Variants in RTKN2 observed in about 807,000 individuals in gnomAD.
The protein encoded by RTKN2 is rhotekin-2.
In RTKN2, 69 loss-of-function variants were observed where a neutral mutation model predicts 71.5. That is an observed-to-expected ratio of 0.96 (90% CI 0.79 to 1.18). The LOEUF (loss-of-function observed/expected upper bound fraction) is 1.18. RTKN2 is among the 50% of genes most tolerant of loss of function. The pLI is 0.00. For missense variants in RTKN2, 724 were observed against 719.7 expected, an observed-to-expected ratio of 1.01 and a Z score of -0.07; for synonymous variants, 236 against 236.5, an observed-to-expected ratio of 1.00 and a Z score of 0.02.
At chr10:62,264,460 A>T (rs1424524619) in intron 1 of RTKN2, among the ~76,000 whole-genome samples, 1 of 152,206 alleles carries the variant, frequency 6.6e-6, no homozygotes, top group Non-Finnish European at 1.5e-5. Flanking sequence ...TCTTTTTATG[A>T]CTTACTAGCC....
At chr10:62,192,047 GTTT>G (rs148963022), downstream of RTKN2, among the ~76,000 whole-genome samples, 1 of 150,218 alleles carries the variant, frequency 6.7e-6, no homozygotes, top group South Asian at 2.1e-4. Flanking sequence ...ATATTATAAG[GTTT>G]TTTTTTATCT....
At chr10:62,192,993 T>C (rs746772229), downstream of RTKN2, among the ~76,000 whole-genome samples, 1 of 152,180 alleles carries the variant, frequency 6.6e-6, no homozygotes, top group Non-Finnish European at 1.5e-5. Flanking sequence ...TTTATATACA[T>C]AAAACACACA....
At chr10:62,215,208 A>C in intron 9 of RTKN2, 1 of 562,194 alleles carries the variant, frequency 1.8e-6, no homozygotes. Context: ...TATTTAGTAA[A>C]AGCCAAAGTA....
downstream of RTKN2, among the ~76,000 whole-genome samples, chr10:62,190,606 T>C (rs1589324625): frequency 1.3e-5 from 2 of 152,110 alleles, no homozygotes; most frequent in Admixed American, 6.6e-5. Context: ...CCATCCCAGT[T>C]GTTAACTAGC....
intron 9 of RTKN2, among the ~76,000 whole-genome samples, chr10:62,212,573 C>T (rs760924682): frequency 6.6e-6 from 1 of 151,272 alleles, no homozygotes; most frequent in Admixed American, 6.6e-5. Context: ...TGTGGTGGCA[C>T]GTACCTGTAG....
intron 3 of RTKN2, among the ~76,000 whole-genome samples, chr10:62,244,904 GT>G (rs1842448908): frequency 6.6e-6 from 1 of 152,012 alleles, no homozygotes; most frequent in Admixed American, 6.6e-5. Context: ...TGATAATTTT[GT>G]TTATCCAGAA....
chr10:62,265,765 C>T (rs1842858163), intron 1 of RTKN2, among the ~76,000 whole-genome samples: 1 of 152,196 alleles, frequency 6.6e-6, no homozygotes, highest in Non-Finnish European at 1.5e-5. Flanking sequence ...GTATACAATG[C>T]ATCAGGGGTA....
intron 6 of RTKN2, among the ~76,000 whole-genome samples, chr10:62,227,490 T>C (rs796250974): frequency 1.1e-4 from 16 of 151,454 alleles, no homozygotes; most frequent in African/African-American, 3.6e-4. Context: ...AACAAGGAGG[T>C]CACTGTGACT....
Position 62,195,164 on chromosome 10 carries a change from C to T in RTKN2, c.*2744G>A. 1 of 973,062 alleles carries T rather than the reference C, an allele frequency of 1.0e-6. No homozygotes were observed. Among genetic ancestry groups the T allele is most frequent in the Non-Finnish European group, 1.2e-6 (1 of 818,726 alleles). 60.3% of individuals were successfully genotyped at this position (973,062 alleles called of 1,614,324 possible). A position where few individuals can be genotyped will look rare whatever the true frequency, so the allele number is the denominator to read the frequency against. On this transcript the variant is annotated 3_prime_UTR_variant, in exon 12 of 12. Transcript: ENST00000373789. Reference sequence around the variant, plus strand: ...GAAATGTAAAGGTAATTGTCTAAGACATTATCTTTAGATCATCAGAATTAT... The same window carrying T: ...GAAATGTAAAGGTAATTGTCTAAGATATTATCTTTAGATCATCAGAATTAT...
At position 62,193,522 on chromosome 10, in the gene RTKN2, A is replaced by T. The variant is rs1221071651; in HGVS notation, c.*4386T>A. On this transcript the variant is annotated 3_prime_UTR_variant, in exon 12 of 12. Coordinates refer to ENST00000373789, the MANE Select transcript of RTKN2 (RefSeq NM_145307.4). ...CATTGATTAGTAGGCCTCTCTCTGT[A>T]AAGTATTTTTTTAATTTTAAATATT... The T allele has an allele frequency of 2.0e-6, 2 of 982,092 alleles. No individual in the cohort carries two copies. The highest frequency in any genetic ancestry group is 2.4e-6 in the Non-Finnish European group (2 of 826,934). The allele number at this position is 982,092 out of a possible 1,614,324, so 60.8% of individuals were successfully genotyped here.
chr10:62,249,317 G>A (rs10761616), intron 2 of RTKN2, among the ~76,000 whole-genome samples: 77,116 of 148,756 alleles, frequency 0.52, 21,714 homozygotes, highest in East Asian at 0.89. Context: ...TTTTTACAAA[G>A]CCAAATAAAG....
At chr10:62,225,839 T>A (rs1842010211) in intron 6 of RTKN2, among the ~76,000 whole-genome samples, 1 of 151,514 alleles carries the variant, frequency 6.6e-6, no homozygotes, top group Non-Finnish European at 1.5e-5. Flanking sequence ...TGGAGTGCAG[T>A]GGCACAATCT....
chr10:62,268,742 C>T lies in RTKN2; in HGVS notation c.-132G>A. ...GTCCCAGTCGCAGGGGCCGGGGGCG[C>T]AGGAGGAGCCGGGCCGAAGCGCACG... On this transcript the variant is annotated 5_prime_UTR_variant, in exon 1 of 12. Coordinates refer to ENST00000373789, the MANE Select transcript of RTKN2 (RefSeq NM_145307.4). 1 of 933,912 alleles carries T rather than the reference C, an allele frequency of 1.1e-6. No homozygotes were observed. The highest frequency in any genetic ancestry group is 2.8e-5 in the East Asian group (1 of 35,558). 57.9% of individuals were successfully genotyped at this position (933,912 alleles called of 1,614,324 possible). A position where few individuals can be genotyped will look rare whatever the true frequency, so the allele number is the denominator to read the frequency against.
rs146512327 is a variant in RTKN2, at chr10:62,236,069, A to G, written c.683T>C (p.Val228Ala). ...DEMCLLLSSA[V>A]FGVKYNLLAH... ...AAATACAGTATTAAAAACTTACAAA[A>G]CAGCAGAGCTGAGGAGCAAGCACAT... Residue 228 changes from valine to alanine, a missense_variant, in exon 6 of 12, where the codon GTT becomes GCT. By Grantham distance (64) the Val-to-Ala change is moderately conservative. Coordinates refer to ENST00000373789, the MANE Select transcript of RTKN2 (RefSeq NM_145307.4). 85 of 1,606,604 alleles carry G rather than the reference A, an allele frequency of 5.3e-5. No homozygotes were observed. Among genetic ancestry groups the G allele is most frequent in the Non-Finnish European group, 6.9e-5 (81 of 1,174,380 alleles).
At chr10:62,261,895 G>T (rs1288293492) in intron 2 of RTKN2, among the ~76,000 whole-genome samples, 1 of 152,046 alleles carries the variant, frequency 6.6e-6, no homozygotes, top group Non-Finnish European at 1.5e-5. Context: ...TCAACAAAGG[G>T]GAATGTAAGA....
chr10:62,235,686 G>A (rs3080134), intron 6 of RTKN2, among the ~76,000 whole-genome samples: 2,570 of 150,718 alleles, frequency 0.017, 43 homozygotes, highest in African/African-American at 0.036. Context: ...GTGTGTGTGT[G>A]TGTATACATG....
chr10:62,193,901 T>A lies in RTKN2; in HGVS notation c.*4007A>T. On this transcript the variant is annotated 3_prime_UTR_variant, in exon 12 of 12. Transcript: ENST00000373789. ...CTTATAATAATTAGCACCAGCTACT[T>A]GGTATGTCTTTTTCTGATTAAACTG... 1.0e-6 allele frequency: 1 copy of A among 981,976 alleles called. No homozygotes were observed. The highest frequency in any genetic ancestry group is 1.2e-6 in the Non-Finnish European group (1 of 826,776). 60.8% of individuals were successfully genotyped at this position (981,976 alleles called of 1,614,324 possible).
intron 9 of RTKN2, among the ~76,000 whole-genome samples, chr10:62,214,346 A>G (rs1022386013): frequency 1.3e-5 from 2 of 152,154 alleles, no homozygotes; most frequent in Non-Finnish European, 2.9e-5. Context: ...GTCTTCAAGT[A>G]TAAGGCTAAA....
Position 62,193,606 on chromosome 10 carries a change from T to G in RTKN2, c.*4302A>C. On this transcript the variant is annotated 3_prime_UTR_variant, in exon 12 of 12. Transcript: ENST00000373789. ...TGAAATAATCCAACTGAGCCAGGAT[T>G]GCTCATTTCTCTCCCCCACTCTGAG... The G allele has an allele frequency of 4.1e-6, 4 of 985,216 alleles. No individual in the cohort carries two copies. Among genetic ancestry groups the G allele is most frequent in the Non-Finnish European group, 3.6e-6 (3 of 829,764 alleles). 61.0% of individuals were successfully genotyped at this position (985,216 alleles called of 1,614,324 possible). A position where few individuals can be genotyped will look rare whatever the true frequency, so the allele number is the denominator to read the frequency against.
Sources: gnomAD v4.1 joint callset for allele counts (sites outside exome capture counted in the v4.1 genomes callset) on GRCh38, gnomAD v4.1.1 for gene constraint, MANE v1.5 for transcripts, NCBI Gene and HGNC (gene_info 2026-07-23, HGNC 2026-07-21) for gene names.